The following GALNS variants were observed in gnomAD, a reference collection of about 807,000 sequenced individuals.
The protein encoded by GALNS is N-acetylgalactosamine-6-sulfatase.
In GALNS, 65 loss-of-function variants were observed where a neutral mutation model predicts 65.9. The ratio of observed to expected loss-of-function variants is 0.99; its 90% CI spans 0.81 to 1.21. The LOEUF is 1.21. GALNS is among the 50% of genes most tolerant of loss of function. GALNS has a pLI of 0.00. For synonymous variants in GALNS, 346 were observed against 288.9 expected, an observed-to-expected ratio of 1.20 and a Z score of -2.00; for missense variants, 776 against 700.7, an observed-to-expected ratio of 1.11 and a Z score of -1.21.
In GALNS at chr16:88,826,735, A is replaced by G. The variant is rs2142995771; in HGVS notation, c.1106T>C (p.Leu369Pro). Residue 369 changes from leucine to proline, a missense_variant, in exon 10 of 14, where the codon CTC becomes CCC. By Grantham distance (98) the Leu-to-Pro change is moderately conservative (BLOSUM62 -3). Transcript: ENST00000268695. Reference protein sequence around the residue: ...SDRAIDGLNLLPTLLQGRLMD... With the variant: ...SDRAIDGLNLPPTLLQGRLMD... Reference sequence around the variant, plus strand: ...CAGCCGGCCCTGCAGGAGGGTGGGGAGGAGGTTGAGGCCATCAATGGCCCT... The same window carrying G: ...CAGCCGGCCCTGCAGGAGGGTGGGGGGGAGGTTGAGGCCATCAATGGCCCT... The G allele has an allele frequency of 1.2e-6, 2 of 1,612,388 alleles. No individual in the cohort carries two copies. Among genetic ancestry groups the G allele is most frequent in the Non-Finnish European group, 1.7e-6 (2 of 1,179,718 alleles).
intron 1 of GALNS, chr16:88,856,443 C>G (rs1199792524): frequency 1.4e-6 from 1 of 700,616 alleles, no homozygotes; most frequent in South Asian, 1.5e-5. Context: ...AGCACGCCGG[C>G]CACCCACCTG....
At chr16:88,835,956 C>G in intron 6 of GALNS, 107 bp from the exon 7 acceptor site, 9 of 1,522,580 alleles carry the variant, frequency 5.9e-6, no homozygotes, top group Non-Finnish European at 8.1e-6. Flanking sequence ...GTGCGGTCCC[C>G]GTCCCCACGC....
intron 1 of GALNS, chr16:88,855,973 G>A (rs1567549479): frequency 5.1e-6 from 3 of 588,212 alleles, no homozygotes; most frequent in South Asian, 2.0e-5. Flanking sequence ...GGCAGCTGAG[G>A]TTCAAGAATG....
chr16:88,820,302 G>A (rs769853733), intron 12 of GALNS, among the ~76,000 whole-genome samples: 2 of 151,168 alleles, frequency 1.3e-5, no homozygotes, highest in Non-Finnish European at 2.9e-5. Flanking sequence ...CTAATTTTTT[G>A]TATTTTGGTA....
intron 9 of GALNS, among the ~76,000 whole-genome samples, chr16:88,831,387 A>G (rs77499897): frequency 2.7e-3 from 2 of 740 alleles, no homozygotes; most frequent in Non-Finnish European, 8.2e-3. Context: ...GTGCGTGGGG[A>G]GGAGAGCGGT....
At position 88,841,048 on chromosome 16, in the gene GALNS, C is replaced by T. The variant is rs1567536220; in HGVS notation, c.366G>A (p.Gln122=). The change falls in exon 4 of 14, where the codon CAG becomes CAA. Residue 122 remains glutamine (Q), a synonymous_variant. Coordinates refer to ENST00000268695, the MANE Select transcript of GALNS (RefSeq NM_000512.5). ...EIVGGIPDSE[Q]LLPELLKKAG... ...CCTTCTTCAGAAGCTCCGGCAGGAG[C>T]TGCTCCGAGTCTGGGATGCCGCCCA... 11 of 1,613,312 alleles carry T rather than the reference C, an allele frequency of 6.8e-6. No homozygotes were observed. The highest frequency in any genetic ancestry group is 1.7e-5 in the Admixed American group (1 of 60,028).
At chr16:88,814,549 A>C (rs922315879) in intron 13 of GALNS, 24 bp from the exon 14 acceptor site, 8 of 1,550,892 alleles carry the variant, frequency 5.2e-6, no homozygotes, top group Non-Finnish European at 7.0e-6. Flanking sequence ...ATTGAGAAAA[A>C]GAACATGCAG....
chr16:88,836,856 G>A (rs947570812), intron 5 of GALNS, among the ~76,000 whole-genome samples: 2 of 152,022 alleles, frequency 1.3e-5, no homozygotes, highest in African/African-American at 2.4e-5. Flanking sequence ...AGGCGGCTGT[G>A]GTCACTCGGC....
chr16:88,856,916 G>T lies in GALNS; in HGVS notation c.-39C>A. On this transcript the variant is annotated 5_prime_UTR_variant, in exon 1 of 14. Coordinates refer to ENST00000268695, the MANE Select transcript of GALNS (RefSeq NM_000512.5). ...GCCGCGGAGCCCCGGCCAGCGAGCC[G>T]ACCTAGCGAGCGTCCGCCGGCCCTT... 3.4e-6 allele frequency: 5 copies of T among 1,486,828 alleles called. No homozygotes were observed. The highest frequency in any genetic ancestry group is 2.5e-5 in the South Asian group (2 of 79,206). The allele number at this position is 1,486,828 out of a possible 1,614,324, so 92.1% of individuals were successfully genotyped here.
intron 8 of GALNS, among the ~76,000 whole-genome samples, chr16:88,833,544 C>T (rs1210696146): frequency 6.6e-6 from 1 of 151,878 alleles, no homozygotes; most frequent in Non-Finnish European, 1.5e-5. Context: ...CTCCGCCTCC[C>T]GGGTTCAAGT....
chr16:88,848,849 G>A (rs532781522), intron 1 of GALNS, among the ~76,000 whole-genome samples: 1 of 152,368 alleles, frequency 6.6e-6, no homozygotes, highest in East Asian at 1.9e-4. Flanking sequence ...GCCGCTCTGG[G>A]CGCACGTGGG....
chr16:88,818,043 C>T lies in GALNS; in HGVS notation c.1446G>A (p.Ala482=), dbSNP rs1468307106. The change falls in exon 13 of 14, where the codon GCG becomes GCA. Residue 482 remains alanine (A), a synonymous_variant. Coordinates refer to ENST00000268695, the MANE Select transcript of GALNS (RefSeq NM_000512.5). ...VQQHQEALVP[A]QPQLNVCNWA... ...AGTTGCACACGTTGAGCTGGGGCTG[C>T]GCGGGGACCAAGGCCTCCTGGTGCT... 5.1e-6 allele frequency: 8 copies of T among 1,582,522 alleles called. No individual in the cohort carries two copies. The highest frequency in any genetic ancestry group is 2.3e-5 in the South Asian group (2 of 87,136).
chr16:88,851,870 C>A (rs1286613929), intron 1 of GALNS, among the ~76,000 whole-genome samples: 2 of 152,244 alleles, frequency 1.3e-5, no homozygotes, highest in Non-Finnish European at 2.9e-5. Flanking sequence ...TCGAACCGGG[C>A]AGAGCCCACC....
At chr16:88,822,851 CCG>C in intron 11 of GALNS, 141 bp from the exon 12 acceptor site, 1 of 1,318,170 alleles carries the variant, frequency 7.6e-7, no homozygotes, top group Non-Finnish European at 1.0e-6. Flanking sequence ...TAACTGGGGG[CCG>C]TGGGGGGGTC....
chr16:88,833,490 C>T (rs1380527331), intron 8 of GALNS, among the ~76,000 whole-genome samples: 22 of 146,898 alleles, frequency 1.5e-4, no homozygotes, highest in African/African-American at 2.3e-4. Context: ...CTCGCTCTGT[C>T]GCCCAGGCTG....
chr16:88,835,361 T>C lies in GALNS; in HGVS notation c.759-9A>G, dbSNP rs957246839. ...GGACGGCGTCTCCATACCTGCAGGA[T>C]GGTGACAAAAGGCATCTCCATACCT... On this transcript the variant is annotated splice_polypyrimidine_tract_variant and intron_variant, in intron 7 of 13. Coordinates refer to ENST00000268695, the MANE Select transcript of GALNS (RefSeq NM_000512.5). 1.2e-6 allele frequency: 2 copies of C among 1,613,420 alleles called. No individual in the cohort carries two copies. Among genetic ancestry groups the C allele is most frequent in the Non-Finnish European group, 1.7e-6 (2 of 1,179,750 alleles).
chr16:88,853,729 C>T (rs894510863), intron 1 of GALNS, among the ~76,000 whole-genome samples: 3 of 152,196 alleles, frequency 2.0e-5, no homozygotes, highest in African/African-American at 7.2e-5. Flanking sequence ...ACTCACGCAG[C>T]AGGTGCCCAG....
In GALNS at chr16:88,847,227, T is replaced by C. The variant is rs188059239; in HGVS notation, c.121-4398A>G. Among the ~76,000 whole-genome samples, 552 of 152,106 alleles carry C rather than the reference T, an allele frequency of 3.6e-3. 2 individuals carry two copies. The highest frequency in any genetic ancestry group is 0.012 in the African/African-American group (517 of 41,478). ...CTCTATAAAAAATCAAAAAATCAGCTGGGCATGGTGGCACACACCTGTAAT... is the reference window on the plus strand; with the variant it reads ...CTCTATAAAAAATCAAAAAATCAGCCGGGCATGGTGGCACACACCTGTAAT... On this transcript the variant is annotated intron_variant, in intron 1 of 13. Coordinates refer to ENST00000268695, the MANE Select transcript of GALNS (RefSeq NM_000512.5).
chr16:88,816,143 G>C, intron 13 of GALNS: 2 of 985,450 alleles, frequency 2.0e-6, no homozygotes, highest in South Asian at 4.7e-5. Flanking sequence ...CCCCTGCAGA[G>C]AGCACAGGTG....
Sources: gnomAD v4.1 joint callset for allele counts (sites outside exome capture counted in the v4.1 genomes callset) on GRCh38, gnomAD v4.1.1 for gene constraint, MANE v1.5 for transcripts, NCBI Gene and HGNC (gene_info 2026-07-23, HGNC 2026-07-21) for gene names.